Variants in FNDC3A observed in about 807,000 individuals in gnomAD.
The protein encoded by FNDC3A is fibronectin type III domain containing 3A, also known as fibronectin type-III domain-containing protein 3A.
In FNDC3A, 32 loss-of-function variants were observed where a neutral mutation model predicts 148.9. That is an observed-to-expected ratio of 0.21 (90% CI 0.16 to 0.29). The LOEUF is 0.29. Among genes scored for constraint, FNDC3A ranks in the 10% least tolerant of loss-of-function variants. The probability of loss-of-function intolerance (pLI) is 1.00; values close to 1 mark genes in which losing one functional copy is unlikely to be tolerated. For missense variants in FNDC3A, 1,191 were observed against 1,452.8 expected (o/e 0.82, Z 2.93); for synonymous variants, 472 against 473.6 (o/e 1.00, Z 0.04).
chr13:49,072,512 T>C (rs1316637781), intron 2 of FNDC3A, among the ~76,000 whole-genome samples: 12 of 152,200 alleles, frequency 7.9e-5, no homozygotes, highest in African/African-American at 2.7e-4. Flanking sequence ...GTTTTCCTGG[T>C]AGAGATCTTT....
intron 3 of FNDC3A, among the ~76,000 whole-genome samples, chr13:49,111,319 C>G (rs1293341994): frequency 6.6e-6 from 1 of 152,178 alleles, no homozygotes; most frequent in Non-Finnish European, 1.5e-5. Context: ...TAGTTCTAAA[C>G]ATCGATACTT....
intron 8 of FNDC3A, among the ~76,000 whole-genome samples, chr13:49,161,768 C>T (rs1193775326): frequency 1.3e-5 from 2 of 152,274 alleles, no homozygotes; most frequent in East Asian, 1.9e-4. Flanking sequence ...ATGTTTAGTG[C>T]TTCCTTCAGG....
chr13:49,044,603 GA>G (rs1371693673), intron 2 of FNDC3A: 1 of 186,538 alleles, frequency 5.4e-6, no homozygotes, highest in Non-Finnish European at 1.1e-5. Context: ...CTGGCAGGCA[GA>G]GGTTGCAGTA....
intron 1 of FNDC3A, among the ~76,000 whole-genome samples, chr13:48,997,508 G>C (rs1046169643): frequency 6.6e-5 from 10 of 152,114 alleles, no homozygotes; most frequent in Non-Finnish European, 2.9e-5. Flanking sequence ...GGGGCCTTTG[G>C]AGATAATTTG....
chr13:49,107,564 A>C (rs1880275231), intron 3 of FNDC3A, among the ~76,000 whole-genome samples: 1 of 152,132 alleles, frequency 6.6e-6, no homozygotes, highest in South Asian at 2.1e-4. Flanking sequence ...TGATCTAGTG[A>C]AGGAACAATG....
chr13:48,985,956 A>T (rs1221732435), intron 1 of FNDC3A, among the ~76,000 whole-genome samples: 4 of 152,144 alleles, frequency 2.6e-5, no homozygotes, highest in African/African-American at 9.7e-5. Flanking sequence ...GACAGCTTTG[A>T]TTTATGTCGG....
chr13:49,188,195 A>C (rs111389146), intron 16 of FNDC3A, among the ~76,000 whole-genome samples: 98 of 152,270 alleles, frequency 6.4e-4, no homozygotes, highest in African/African-American at 2.0e-3. Flanking sequence ...GGTTTTTTGT[A>C]CTCTTTGTAT....
intron 10 of FNDC3A, among the ~76,000 whole-genome samples, chr13:49,170,790 C>G (rs768916243): frequency 1.3e-5 from 2 of 152,084 alleles, no homozygotes; most frequent in African/African-American, 4.8e-5. Flanking sequence ...TTAATAGTAT[C>G]CCCTCAAACT....
At chr13:48,976,426 C>T (rs1175164226) in intron 1 of FNDC3A, among the ~76,000 whole-genome samples, 1 of 152,188 alleles carries the variant, frequency 6.6e-6, no homozygotes, top group African/African-American at 2.4e-5. Flanking sequence ...CGGGGCCGAG[C>T]CTAGCCAGGA....
At chr13:48,998,639 G>A (rs1952067498) in intron 1 of FNDC3A, among the ~76,000 whole-genome samples, 1 of 152,168 alleles carries the variant, frequency 6.6e-6, no homozygotes, top group East Asian at 1.9e-4. Context: ...GTAGTAAAAT[G>A]TAAGAAGAGA....
chr13:49,006,362 A>G (rs879104528), intron 2 of FNDC3A, 73 bp downstream of exon 2: 3 of 696,162 alleles, frequency 4.3e-6, no homozygotes, highest in Non-Finnish European at 7.3e-6. Context: ...AACAGATCAC[A>G]ATAGTGAGTT....
intron 4 of FNDC3A, among the ~76,000 whole-genome samples, chr13:49,128,802 C>T (rs1407526996): frequency 6.6e-6 from 1 of 152,234 alleles, no homozygotes; most frequent in Non-Finnish European, 1.5e-5. Context: ...AGCCCCACTT[C>T]TACCTTAGGG....
intron 11 of FNDC3A, among the ~76,000 whole-genome samples, chr13:49,173,558 A>G (rs752051135): frequency 6.6e-6 from 1 of 152,230 alleles, no homozygotes; most frequent in Non-Finnish European, 1.5e-5. Flanking sequence ...TTTATTTAAC[A>G]TTATTTCAGA....
chr13:49,194,429 A>T (rs1235057019), intron 19 of FNDC3A, among the ~76,000 whole-genome samples: 2 of 152,240 alleles, frequency 1.3e-5, no homozygotes, highest in Non-Finnish European at 2.9e-5. Context: ...AAGCAGGCGC[A>T]TTATATCACC....
At chr13:49,025,590 G>C (rs1204908614) in intron 2 of FNDC3A, among the ~76,000 whole-genome samples, 1 of 152,080 alleles carries the variant, frequency 6.6e-6, no homozygotes, top group Non-Finnish European at 1.5e-5. Flanking sequence ...ATACACTAAT[G>C]AGTGCTAATT....
intron 3 of FNDC3A, chr13:49,110,206 T>C (rs967268808): frequency 1.3e-5 from 6 of 449,490 alleles, no homozygotes; most frequent in South Asian, 5.5e-5. Context: ...GAACGTTTGC[T>C]TTTTTTTCCC....
chr13:49,149,389 T>G (rs1488844372), intron 8 of FNDC3A, among the ~76,000 whole-genome samples: 1 of 152,104 alleles, frequency 6.6e-6, no homozygotes, highest in Non-Finnish European at 1.5e-5. Context: ...GTGCCTAGTT[T>G]GTTGAAAGAT....
At chr13:49,130,229 G>GT (rs571431116) in intron 4 of FNDC3A, among the ~76,000 whole-genome samples, 2,066 of 142,476 alleles carry the variant, frequency 0.015, 28 homozygotes, top group African/African-American at 0.038. Flanking sequence ...TTGTTTTTTG[G>GT]TTTTTTTTTT....
intron 14 of FNDC3A, among the ~76,000 whole-genome samples, chr13:49,178,927 A>G (rs948156442): frequency 3.3e-5 from 5 of 152,100 alleles, no homozygotes; most frequent in Non-Finnish European, 7.4e-5. Context: ...AGGTTTCACC[A>G]TCTTGCCCAG....
Sources: gnomAD v4.1 joint callset for allele counts (sites outside exome capture counted in the v4.1 genomes callset) on GRCh38, gnomAD v4.1.1 for gene constraint, MANE v1.5 for transcripts, NCBI Gene and HGNC (gene_info 2026-07-23, HGNC 2026-07-21) for gene names.